CSTPP1: variants seen among roughly 807,000 people sequenced by gnomAD.
CSTPP1 encodes the protein UPF0705 protein C11orf49.
the CSTPP1 span, among the ~76,000 whole-genome samples, chr11:46,995,019 C>G: frequency 6.6e-6 from 1 of 152,098 alleles, no homozygotes; most frequent in Non-Finnish European, 1.5e-5. Context: ...GTGTATGTGT[C>G]CAGGAATTTA....
chr11:47,119,444 G>A, the CSTPP1 span, among the ~76,000 whole-genome samples: 1 of 152,060 alleles, frequency 6.6e-6, no homozygotes, highest in East Asian at 1.9e-4. Context: ...GCTTCAGCTC[G>A]CCCTCCATGG....
At chr11:47,111,063 TG>T in the CSTPP1 span, among the ~76,000 whole-genome samples, 1 of 152,004 alleles carries the variant, frequency 6.6e-6, no homozygotes, top group East Asian at 1.9e-4. Context: ...CTAATTTTTT[TG>T]TATTTTTTTA....
At chr11:47,112,759 C>T in the CSTPP1 span, among the ~76,000 whole-genome samples, 3 of 152,184 alleles carry the variant, frequency 2.0e-5, no homozygotes, top group Admixed American at 1.3e-4. Context: ...ATAATAGATG[C>T]TACATAATAT....
At chr11:47,161,177 G>A in the CSTPP1 span, 4 of 1,614,100 alleles carry the variant, frequency 2.5e-6, no homozygotes, top group Admixed American at 3.3e-5. Context: ...AATGGATGAA[G>A]AGCTGGAACG....
At chr11:47,134,737 T>C in the CSTPP1 span, among the ~76,000 whole-genome samples, 5 of 152,028 alleles carry the variant, frequency 3.3e-5, no homozygotes, top group Non-Finnish European at 7.4e-5. Flanking sequence ...CACATGGGAA[T>C]AGGAAGTGAG....
chr11:47,038,112 C>T, the CSTPP1 span, among the ~76,000 whole-genome samples: 1 of 57,102 alleles, frequency 1.8e-5, no homozygotes. Context: ...GCTGACCCCC[C>T]CACCTCCCTC....
the CSTPP1 span, among the ~76,000 whole-genome samples, chr11:47,011,696 G>T: frequency 6.6e-6 from 1 of 152,052 alleles, no homozygotes; most frequent in Non-Finnish European, 1.5e-5. Context: ...TAACTTCATT[G>T]TGTAATCAGC....
At chr11:47,089,096 G>A in the CSTPP1 span, among the ~76,000 whole-genome samples, 206 of 152,152 alleles carry the variant, frequency 1.4e-3, no homozygotes, top group African/African-American at 4.8e-3. Flanking sequence ...AGACTGACAG[G>A]CCCCAGTCTG....
the CSTPP1 span, among the ~76,000 whole-genome samples, chr11:46,954,521 C>T: frequency 6.6e-6 from 1 of 151,990 alleles, no homozygotes; most frequent in Non-Finnish European, 1.5e-5. Context: ...TGCACTTCAG[C>T]CTGGGCGACA....
chr11:47,037,923 T>C, the CSTPP1 span, among the ~76,000 whole-genome samples: 1 of 126,644 alleles, frequency 7.9e-6, no homozygotes, highest in African/African-American at 2.5e-5. Context: ...GATGGGGTGG[T>C]GGCCGGGCAG....
chr11:47,014,711 GAGAAAGAGAGAGAA>G, the CSTPP1 span, among the ~76,000 whole-genome samples: 2 of 134,610 alleles, frequency 1.5e-5, no homozygotes, highest in Admixed American at 1.6e-4. Context: ...CTCAAAGAAA[GAGAAAGAGAGAGAA>G]AGAAAGAGAG....
chr11:47,021,432 AG>A, the CSTPP1 span, among the ~76,000 whole-genome samples: 1 of 152,194 alleles, frequency 6.6e-6, no homozygotes, highest in African/African-American at 2.4e-5. Flanking sequence ...CAGAGTAGAA[AG>A]GGGCCCCCAT....
chr11:47,157,744 C>T, the CSTPP1 span: 1 of 1,486,998 alleles, frequency 6.7e-7, no homozygotes, highest in South Asian at 1.2e-5. Flanking sequence ...CCTCATGAAC[C>T]TGAAAGTATG....
chr11:46,977,295 A>G, the CSTPP1 span, among the ~76,000 whole-genome samples: 1 of 152,202 alleles, frequency 6.6e-6, no homozygotes, highest in Non-Finnish European at 1.5e-5. Flanking sequence ...GGAATGGATG[A>G]GGGAGGCGCC....
At chr11:47,022,925 CAA>C in the CSTPP1 span, among the ~76,000 whole-genome samples, 9 of 152,140 alleles carry the variant, frequency 5.9e-5, no homozygotes, top group African/African-American at 2.2e-4. Context: ...AATTGCAATA[CAA>C]AGTCATACAG....
the CSTPP1 span, among the ~76,000 whole-genome samples, chr11:47,141,269 G>A: frequency 3.9e-5 from 6 of 151,918 alleles, no homozygotes; most frequent in African/African-American, 1.2e-4. Flanking sequence ...CCACTCCACC[G>A]TCTTCCCCAA....
chr11:47,155,434 A>G, the CSTPP1 span, among the ~76,000 whole-genome samples: 1 of 152,154 alleles, frequency 6.6e-6, no homozygotes, highest in African/African-American at 2.4e-5. Flanking sequence ...GGTGGTCACA[A>G]GATTCAGTCT....
chr11:47,125,755 G>A, the CSTPP1 span, among the ~76,000 whole-genome samples: 2 of 152,152 alleles, frequency 1.3e-5, no homozygotes, highest in Admixed American at 6.5e-5. Flanking sequence ...AGTGGCTCAC[G>A]CCTGTAATCC....
At chr11:47,085,388 G>A in the CSTPP1 span, among the ~76,000 whole-genome samples, 164 of 152,230 alleles carry the variant, frequency 1.1e-3, no homozygotes, top group African/African-American at 3.6e-3. Context: ...GCCTAGGTGG[G>A]TGGTATCATA....
Sources: gnomAD v4.1 joint callset for allele counts (sites outside exome capture counted in the v4.1 genomes callset) on GRCh38, gnomAD v4.1.1 for gene constraint, MANE v1.5 for transcripts, NCBI Gene and HGNC (gene_info 2026-07-23, HGNC 2026-07-21) for gene names.